MYT1: variants seen among roughly 807,000 people sequenced by gnomAD.
The protein encoded by MYT1 is myelin transcription factor I.
MYT1 carries 23 observed loss-of-function variants against 123.0 expected under a neutral mutation model. The observed-to-expected ratio is 0.19, with a 90% CI of 0.13 to 0.26. MYT1 has a LOEUF of 0.26. Among genes scored for constraint, MYT1 ranks in the 10% least tolerant of loss-of-function variants. MYT1 has a pLI of 1.00. For missense variants in MYT1, 1,125 were observed against 1,472.5 expected, an observed-to-expected ratio of 0.76 and a Z score of 3.86; for synonymous variants, 518 against 575.3, an observed-to-expected ratio of 0.90 and a Z score of 1.43.
chr20:64,218,801 A>G lies in MYT1; in HGVS notation c.1847-110A>G, dbSNP rs1983910794. 1.4e-6 allele frequency: 2 copies of G among 1,459,908 alleles called. No individual in the cohort carries two copies. The highest frequency in any genetic ancestry group is 1.4e-5 in the African/African-American group (1 of 72,168). The allele number at this position is 1,459,908 out of a possible 1,614,324, so 90.4% of individuals were successfully genotyped here. On this transcript the variant is annotated intron_variant, in intron 11 of 22. Transcript: ENST00000328439. This position sits in a 1 kb window ranked among gnomAD's most constrained non-coding sequence, Gnocchi z 4.0. ...ATTGCTGCCTCTTTTCAAGTTGTAT[A>G]TCAGCCTGGTGTTGTTCCCTTTTTG...
At chr20:64,194,046 G>C (rs1983037657) in intron 2 of MYT1, among the ~76,000 whole-genome samples, 1 of 152,068 alleles carries the variant, frequency 6.6e-6, no homozygotes, top group Admixed American at 6.5e-5. Context: ...ACACACCCCA[G>C]CCCCAGGGTT....
intron 16 of MYT1, among the ~76,000 whole-genome samples, chr20:64,226,964 T>C (rs549121310): frequency 2.6e-5 from 4 of 152,370 alleles, no homozygotes; most frequent in Admixed American, 2.6e-4. Context: ...TCCAAGAAGA[T>C]GAACTGGTCT....
Position 64,168,471 on chromosome 20 carries a change from T to A in MYT1, c.-99+3732T>A, listed in dbSNP as rs1324912219. ...TATTTTAATCGGGAACGAAAGTAAC[T>A]CAGCGTGCTTTAATCTGCCCTGGCT... On this transcript the variant is annotated intron_variant, in intron 1 of 22. Transcript: ENST00000328439. The surrounding 1 kb of genome is among the most constrained non-coding windows in gnomAD (Gnocchi z 6.1). 6.6e-6 allele frequency among the ~76,000 whole-genome samples: 1 copy of A among 152,182 alleles called. No homozygotes were observed. The highest frequency in any genetic ancestry group is 1.5e-5 in the Non-Finnish European group (1 of 68,030).
At position 64,185,509 on chromosome 20, in the gene MYT1, A is replaced by G. The variant is rs998390745; in HGVS notation, c.-98-4554A>G. Among the ~76,000 whole-genome samples, 2 of 152,150 alleles carry G rather than the reference A, an allele frequency of 1.3e-5. No homozygotes were observed. The highest frequency in any genetic ancestry group is 2.9e-5 in the Non-Finnish European group (2 of 68,014). The stretch of plus-strand genomic sequence containing the variant: ...TTCCACACTTACCACCTGGCCTCTC[A>G]CTCAGTCTTCCTGTTATTTTGTTCT... On this transcript the variant is annotated intron_variant, in intron 1 of 22. Coordinates refer to ENST00000328439, the MANE Select transcript of MYT1 (RefSeq NM_004535.3). This position sits in a 1 kb window ranked among gnomAD's most constrained non-coding sequence, Gnocchi z 4.5.
chr20:64,207,462 T>G, intron 6 of MYT1, 132 bp from the exon 7 acceptor site: 1 of 1,473,432 alleles, frequency 6.8e-7, no homozygotes, highest in Non-Finnish European at 9.0e-7. Flanking sequence ...TGGAGTTTCA[T>G]GTTTCCCCTT....
intron 1 of MYT1, among the ~76,000 whole-genome samples, chr20:64,178,286 T>A (rs1982527257): frequency 6.6e-6 from 1 of 152,214 alleles, no homozygotes; most frequent in African/African-American, 2.4e-5. Flanking sequence ...GACACTTGCA[T>A]GGGTGTTTCC....
chr20:64,188,826 C>T (rs912011457), intron 1 of MYT1, among the ~76,000 whole-genome samples: 8 of 152,304 alleles, frequency 5.3e-5, no homozygotes, highest in African/African-American at 9.6e-5. Flanking sequence ...CCGGAGCCTG[C>T]GGTGGGAGCC....
chr20:64,211,425 G>C, intron 8 of MYT1, 85 bp downstream of exon 8: 13 of 1,372,106 alleles, frequency 9.5e-6, no homozygotes, highest in Non-Finnish European at 1.3e-5. Flanking sequence ...GGGGAGGCGT[G>C]GCCTGCCCAG....
intron 10 of MYT1, 78 bp from the exon 11 acceptor site, chr20:64,216,989 C>T: frequency 7.2e-7 from 1 of 1,385,248 alleles, no homozygotes; most frequent in South Asian, 1.2e-5. Flanking sequence ...GCCTGGGCTG[C>T]AGATTGGGGT....
At position 64,185,743 on chromosome 20, in the gene MYT1, G is replaced by A. The variant is rs980485829; in HGVS notation, c.-98-4320G>A. ...CAGGGGGTCCCCCATGGGGTTGTGC[G>A]TGGAGTGGCCACAGTGCCAGTGCAA... On this transcript the variant is annotated intron_variant, in intron 1 of 22. Transcript: ENST00000328439. The surrounding 1 kb of genome is among the most constrained non-coding windows in gnomAD (Gnocchi z 4.5). 1.1e-4 allele frequency among the ~76,000 whole-genome samples: 17 copies of A among 152,232 alleles called. No homozygotes were observed. Among genetic ancestry groups the A allele is most frequent in the Admixed American group, 2.6e-4 (4 of 15,288 alleles).
At position 64,213,319 on chromosome 20, in the gene MYT1, G is replaced by T. The variant is rs1983738467; in HGVS notation, c.1518-215G>T. 6.6e-6 allele frequency among the ~76,000 whole-genome samples: 1 copy of T among 152,182 alleles called. No individual in the cohort carries two copies. Among genetic ancestry groups the T allele is most frequent in the Non-Finnish European group, 1.5e-5 (1 of 68,034 alleles). On this transcript the variant is annotated intron_variant, in intron 9 of 22. Coordinates refer to ENST00000328439, the MANE Select transcript of MYT1 (RefSeq NM_004535.3). This position sits in a 1 kb window ranked among gnomAD's most constrained non-coding sequence, Gnocchi z 5.6. ...ATGTTCCAAAACAGAAACTGACTGG[G>T]CAGCTTGTACTGTGAGGGCTCAAGA...
intron 22 of MYT1, 38 bp from the exon 23 acceptor site, chr20:64,240,282 G>T: frequency 6.2e-7 from 1 of 1,604,548 alleles, no homozygotes; most frequent in Non-Finnish European, 8.5e-7. Context: ...GGGGCCCACT[G>T]CATGGACGGA....
intron 18 of MYT1, among the ~76,000 whole-genome samples, chr20:64,229,136 A>G (rs893138797): frequency 6.6e-6 from 1 of 152,186 alleles, no homozygotes; most frequent in Non-Finnish European, 1.5e-5. Context: ...TGGCTTGTTT[A>G]TTTATTTAAT....
At chr20:64,230,209 G>T (rs1480422603) in intron 18 of MYT1, among the ~76,000 whole-genome samples, 1 of 152,190 alleles carries the variant, frequency 6.6e-6, no homozygotes, top group African/African-American at 2.4e-5. Flanking sequence ...GCAAGAAAGG[G>T]AGTGAAAATA....
chr20:64,171,313 G>T (rs577502173), intron 1 of MYT1, among the ~76,000 whole-genome samples: 85 of 152,254 alleles, frequency 5.6e-4, no homozygotes, highest in Non-Finnish European at 9.7e-4. Context: ...CTTCCTAGGT[G>T]CATCAGCCAG....
In MYT1 at chr20:64,213,464, C is replaced by T. The variant is rs1164930633; in HGVS notation, c.1518-70C>T. On this transcript the variant is annotated intron_variant, in intron 9 of 22. Transcript: ENST00000328439. This position sits in a 1 kb window ranked among gnomAD's most constrained non-coding sequence, Gnocchi z 5.6. ...ATGACCTTGCCGTGAGACACCCACA[C>T]ACACAGACACCCAGGACAGGACAGG... The T allele has an allele frequency of 7.1e-6, 9 of 1,262,170 alleles. No homozygotes were observed. The Admixed American group carries it at 9.0e-5, about 13-fold the overall frequency. 78.2% of individuals were successfully genotyped at this position (1,262,170 alleles called of 1,614,324 possible). A position where few individuals can be genotyped will look rare whatever the true frequency, so the allele number is the denominator to read the frequency against.
chr20:64,201,963 C>CCCCGTGTGTCGGGAACA (rs1983325824), intron 4 of MYT1, among the ~76,000 whole-genome samples: 1 of 146,658 alleles, frequency 6.8e-6, no homozygotes, highest in African/African-American at 2.6e-5. Flanking sequence ...TGTCGGGAAC[C>CCCCGTGTGTCGGGAACA]CCCGCGTGTC....
At chr20:64,187,763 C>T (rs1464293426) in intron 1 of MYT1, among the ~76,000 whole-genome samples, 1 of 152,204 alleles carries the variant, frequency 6.6e-6, no homozygotes, top group Non-Finnish European at 1.5e-5. Context: ...AAGACATTTC[C>T]TAGGAGAGGG....
chr20:64,203,759 G>T lies in MYT1; in HGVS notation c.87-1276G>T, dbSNP rs1035370954. ...TGCAAGCCCACTGGGCCCCACAGTT[G>T]TCTGCAGTCAGGCCTGTGATCAGTC... On this transcript the variant is annotated intron_variant, in intron 4 of 22. Coordinates refer to ENST00000328439, the MANE Select transcript of MYT1 (RefSeq NM_004535.3). This position sits in a 1 kb window ranked among gnomAD's most constrained non-coding sequence, Gnocchi z 5.1. Among the ~76,000 whole-genome samples, 1 of 152,226 alleles carries T rather than the reference G, an allele frequency of 6.6e-6. No individual in the cohort carries two copies. The highest frequency in any genetic ancestry group is 1.5e-5 in the Non-Finnish European group (1 of 68,042).
Sources: gnomAD v4.1 joint callset for allele counts (sites outside exome capture counted in the v4.1 genomes callset) on GRCh38, gnomAD v4.1.1 for gene constraint, Gnocchi (gnomAD v3.1) non-coding constraint, MANE v1.5 for transcripts, NCBI Gene and HGNC (gene_info 2026-07-23, HGNC 2026-07-21) for gene names.